SLC22A9: variants seen among roughly 807,000 people sequenced by gnomAD.
SLC22A9 encodes organic anion transporter 7.
In SLC22A9, 64 loss-of-function variants were observed where a neutral mutation model predicts 50.1. The ratio of observed to expected loss-of-function variants is 1.28; its 90% CI spans 1.04 to 1.57. The LOEUF (loss-of-function observed/expected upper bound fraction) is 1.57. Ranked by LOEUF, SLC22A9 falls within the 40% of genes most tolerant of loss-of-function variation. The probability of loss-of-function intolerance (pLI) is 0.00; values close to 1 mark genes in which losing one functional copy is unlikely to be tolerated. For synonymous variants in SLC22A9, 261 were observed against 242.5 expected (o/e 1.08, Z -0.71); for missense variants, 757 against 676.1 (o/e 1.12, Z -1.33).
At position 63,373,673 on chromosome 11, in the gene SLC22A9, G is replaced by T. The variant is rs765765633; in HGVS notation, c.536G>T (p.Cys179Phe). ...GGGAGAAGGTTCGTGCTCAGATGGT[G>T]TTACCTCCAGGTTGCCATTGTTGGC... ...RFGRRFVLRWCYLQVAIVGTC... is the reference protein window; with the variant it reads ...RFGRRFVLRWFYLQVAIVGTC... The change falls in exon 3 of 10, where the codon TGT becomes TTT. Residue 179 changes from cysteine (C) to phenylalanine (F), a missense_variant. Cys to Phe is a radical substitution (Grantham distance 205, BLOSUM62 -2). Coordinates refer to ENST00000279178, the MANE Select transcript of SLC22A9 (RefSeq NM_080866.3). 5 of 1,597,076 alleles carry T rather than the reference G, an allele frequency of 3.1e-6. No individual in the cohort carries two copies. In the South Asian group the frequency reaches 5.7e-5, roughly 18 times the overall value.
At chr11:63,385,116 T>TTG in intron 6 of SLC22A9, among the ~76,000 whole-genome samples, 1 of 139,928 alleles carries the variant, frequency 7.1e-6, no homozygotes, top group South Asian at 2.2e-4. Flanking sequence ...GTTTTTTTTT[T>TTG]TTTTTTTTTT....
At position 63,408,288 on chromosome 11, in the gene SLC22A9, C is replaced by T. The variant is rs540248466; in HGVS notation, c.1397+68C>T. ...TTTCTCAGATAATTGACACTTTTTGCGGGAAGAAATCTAAGACTGGTTCAT... is the reference window on the plus strand; with the variant it reads ...TTTCTCAGATAATTGACACTTTTTGTGGGAAGAAATCTAAGACTGGTTCAT... On this transcript the variant is annotated intron_variant, in intron 8 of 9. Transcript: ENST00000279178. The T allele has an allele frequency of 3.9e-3, 4,948 of 1,253,876 alleles. 16 individuals carry two copies. Among genetic ancestry groups the T allele is most frequent in the Non-Finnish European group, 5.3e-3 (4,535 of 860,756 alleles). 77.7% of individuals were successfully genotyped at this position (1,253,876 alleles called of 1,614,324 possible). A position where few individuals can be genotyped will look rare whatever the true frequency, so the allele number is the denominator to read the frequency against.
chr11:63,392,672 G>A (rs1305740391), intron 6 of SLC22A9, among the ~76,000 whole-genome samples: 1 of 151,876 alleles, frequency 6.6e-6, no homozygotes, highest in African/African-American at 2.4e-5. Context: ...TGGCTTTTGG[G>A]AGTCTGACTA....
intron 5 of SLC22A9, among the ~76,000 whole-genome samples, chr11:63,380,803 T>A (rs1039021021): frequency 6.6e-6 from 1 of 152,058 alleles, no homozygotes; most frequent in Non-Finnish European, 1.5e-5. Context: ...CAAACCCCCA[T>A]GAAACACAAT....
At chr11:63,382,060 G>A (rs2014572446) in intron 5 of SLC22A9, 99 bp from the exon 6 acceptor site, 3 of 717,622 alleles carry the variant, frequency 4.2e-6, no homozygotes, top group Non-Finnish European at 6.9e-6. Context: ...GACAGAAAGT[G>A]CAGTCAACTC....
At chr11:63,395,113 T>C (rs1336914735) in intron 6 of SLC22A9, among the ~76,000 whole-genome samples, 1 of 152,050 alleles carries the variant, frequency 6.6e-6, no homozygotes, top group Non-Finnish European at 1.5e-5. Flanking sequence ...CTTTATGCTA[T>C]CTATTTCCTT....
intron 6 of SLC22A9, among the ~76,000 whole-genome samples, chr11:63,389,845 T>TTCCA (rs2014732102): frequency 6.6e-6 from 1 of 152,204 alleles, no homozygotes; most frequent in East Asian, 1.9e-4. Flanking sequence ...CAGCATCTGT[T>TTCCA]GTTTCCAGAC....
chr11:63,392,071 A>G (rs1042131000), intron 6 of SLC22A9, among the ~76,000 whole-genome samples: 1 of 152,118 alleles, frequency 6.6e-6, no homozygotes, highest in Non-Finnish European at 1.5e-5. Context: ...GTAATTGCAT[A>G]AACAAACAAA....
chr11:63,392,094 A>G (rs902278176), intron 6 of SLC22A9, among the ~76,000 whole-genome samples: 6 of 152,100 alleles, frequency 3.9e-5, no homozygotes, highest in African/African-American at 1.4e-4. Context: ...AGGAAAGAGA[A>G]AACTAATAAA....
At chr11:63,380,848 G>C (rs1484437716) in intron 5 of SLC22A9, among the ~76,000 whole-genome samples, 1 of 151,520 alleles carries the variant, frequency 6.6e-6, no homozygotes, top group East Asian at 1.9e-4. Flanking sequence ...TGTGCCCCGA[G>C]CCTAAAAGTT....
At chr11:63,399,051 C>T (rs188661656) in intron 6 of SLC22A9, among the ~76,000 whole-genome samples, 18 of 152,190 alleles carry the variant, frequency 1.2e-4, no homozygotes, top group African/African-American at 3.6e-4. Context: ...AGCAAATAGT[C>T]TCTAATAGAT....
At chr11:63,404,908 A>G (rs961369148) in intron 6 of SLC22A9, among the ~76,000 whole-genome samples, 5 of 152,128 alleles carry the variant, frequency 3.3e-5, no homozygotes, top group African/African-American at 4.8e-5. Context: ...TAAATTCAGT[A>G]CACCACCACA....
chr11:63,371,169 C>T lies in SLC22A9; in HGVS notation c.437C>T (p.Ser146Leu). The change falls in exon 2 of 10, where the codon TCA (serine) becomes TTA (leucine). Residue 146 changes from serine to leucine, a missense_variant. Transcript: ENST00000279178. Reference protein sequence around the residue: ...DLVCDSQSLTSVAKFVFMAGM... With the variant: ...DLVCDSQSLTLVAKFVFMAGM... ...GTATGTGACTCTCAATCACTGACTT[C>T]AGTGGCTAAATTTGTATTCATGGCT... is the stretch of plus-strand genomic sequence containing the variant. The T allele has an allele frequency of 1.9e-6, 3 of 1,613,380 alleles. No individual in the cohort carries two copies. Among genetic ancestry groups the T allele is most frequent in the Non-Finnish European group, 2.5e-6 (3 of 1,179,518 alleles).
chr11:63,388,363 GT>G lies in SLC22A9; in HGVS notation c.1073+6098del, dbSNP rs771464400. ...TCTTCTATGCCCAGTTTTTCGAGAGGTTTTTTTTTTTTATCAGAAATGGATG... is the reference window on the plus strand; with the variant it reads ...TCTTCTATGCCCAGTTTTTCGAGAGGTTTTTTTTTTTATCAGAAATGGATG... On this transcript the variant is annotated intron_variant, in intron 6 of 9. Transcript: ENST00000279178. Among the ~76,000 whole-genome samples, 1,281 of 144,150 alleles carry G rather than the reference GT, an allele frequency of 8.9e-3. 14 individuals carry two copies. Among genetic ancestry groups the G allele is most frequent in the African/African-American group, 0.028 (1,096 of 39,738 alleles). 94.6% of individuals were successfully genotyped at this position (144,150 alleles called of 152,430 possible). A position where few individuals can be genotyped will look rare whatever the true frequency, so the allele number is the denominator to read the frequency against.
chr11:63,373,243 A>C (rs1358794488), intron 2 of SLC22A9, among the ~76,000 whole-genome samples: 1 of 147,040 alleles, frequency 6.8e-6, no homozygotes, highest in Non-Finnish European at 1.5e-5. Flanking sequence ...CTAGACTTCT[A>C]CATCTAGATT....
intron 8 of SLC22A9, 53 bp downstream of exon 8, chr11:63,408,273 A>G: frequency 7.2e-7 from 1 of 1,389,704 alleles, no homozygotes; most frequent in East Asian, 2.3e-5. Flanking sequence ...TTTCTCAGAT[A>G]ATTGACACTT....
chr11:63,369,836 C>T lies in SLC22A9; in HGVS notation c.-221C>T, dbSNP rs917280781. 6 of 487,640 alleles carry T rather than the reference C, an allele frequency of 1.2e-5. No homozygotes were observed. Among genetic ancestry groups the T allele is most frequent in the East Asian group, 6.5e-5 (2 of 30,760 alleles). 30.2% of individuals were successfully genotyped at this position (487,640 alleles called of 1,614,324 possible). On this transcript the variant is annotated 5_prime_UTR_variant, in exon 1 of 10. It adds an upstream start codon to the 5' untranslated region. Coordinates refer to ENST00000279178, the MANE Select transcript of SLC22A9 (RefSeq NM_080866.3). ...GAGTATCTGAGCAAATTATTTCTTA[C>T]GTGACTTTAGAGAAAACGGCTACCT...
At chr11:63,374,383 A>G (rs925525546) in intron 4 of SLC22A9, among the ~76,000 whole-genome samples, 1 of 152,190 alleles carries the variant, frequency 6.6e-6, no homozygotes, top group African/African-American at 2.4e-5. Flanking sequence ...TTTTATTTAA[A>G]TGAATAAAAC....
Position 63,382,198 on chromosome 11 carries a change from C to CAAA in SLC22A9, c.1003_1005dup (p.Lys335dup). 4.8e-6 allele frequency: 6 copies of CAAA among 1,243,188 alleles called. No homozygotes were observed. Among genetic ancestry groups the CAAA allele is most frequent in the African/African-American group, 3.2e-5 (2 of 61,804 alleles). 77.0% of individuals were successfully genotyped at this position (1,243,188 alleles called of 1,614,324 possible). A position where few individuals can be genotyped will look rare whatever the true frequency, so the allele number is the denominator to read the frequency against. On this transcript the variant is annotated inframe_insertion, in exon 6 of 10. Transcript: ENST00000279178. ...CATGAAAAAAGAACTGGAGGCAGCACAAAAAAAAAAACCTTCTCTGTGTGA... is the reference window on the plus strand; with the variant it reads ...CATGAAAAAAGAACTGGAGGCAGCACAAAAAAAAAAAAAACCTTCTCTGTGTGA...
Sources: gnomAD v4.1 joint callset for allele counts (sites outside exome capture counted in the v4.1 genomes callset) on GRCh38, gnomAD v4.1.1 for gene constraint, MANE v1.5 for transcripts, NCBI Gene and HGNC (gene_info 2026-07-23, HGNC 2026-07-21) for gene names.